The following HDAC9 variants were observed in gnomAD, a reference collection of about 807,000 sequenced individuals.
The protein encoded by HDAC9 is histone deacetylase 9.
A neutral mutation model predicts 139.4 loss-of-function variants in HDAC9; 41 were observed. That is an observed-to-expected ratio of 0.29 (90% CI 0.23 to 0.38). The LOEUF (loss-of-function observed/expected upper bound fraction) is 0.38, where lower values mean the gene tolerates loss of function less well. Among genes scored for constraint, HDAC9 ranks in the 10% least tolerant of loss-of-function variants. The probability of loss-of-function intolerance (pLI) is 1.00; values close to 1 mark genes in which losing one functional copy is unlikely to be tolerated. For missense variants in HDAC9, 1,147 were observed against 1,297.0 expected (o/e 0.88, Z 1.78); for synonymous variants, 517 against 476.2 (o/e 1.09, Z -1.12).
In HDAC9 at chr7:18,998,390, C is replaced by T. The variant is rs1038178295; in HGVS notation, c.*2328C>T. 1 of 152,172 alleles carries T rather than the reference C, an allele frequency of 6.6e-6. No homozygotes were observed. Among genetic ancestry groups the T allele is most frequent in the Non-Finnish European group, 1.5e-5 (1 of 68,024 alleles). The allele number at this position is 152,172 out of a possible 1,614,324, so 9.4% of individuals were successfully genotyped here. ...ATGGTTATTTAGATTTAAAACTTGA[C>T]ACATTAATGAGTTAATCACACATAC... On this transcript the variant is annotated 3_prime_UTR_variant, in exon 26 of 26. Transcript: ENST00000686413.
chr7:18,380,339 G>T (rs1585492307), intron 1 of HDAC9, among the ~76,000 whole-genome samples: 1 of 152,116 alleles, frequency 6.6e-6, no homozygotes, highest in South Asian at 2.1e-4. Flanking sequence ...AAACATCCAT[G>T]GTGAAAACAC....
chr7:18,350,788 A>G (rs1481827922), intron 1 of HDAC9, among the ~76,000 whole-genome samples: 1 of 152,188 alleles, frequency 6.6e-6, no homozygotes, highest in African/African-American at 2.4e-5. Flanking sequence ...AGCTTATGTC[A>G]TAGCTGTGCA....
chr7:18,140,283 T>C (rs750667784), intron 1 of HDAC9, among the ~76,000 whole-genome samples: 1 of 152,166 alleles, frequency 6.6e-6, no homozygotes, highest in African/African-American at 2.4e-5. Context: ...AACAGGGATA[T>C]GGCCTCCATC....
upstream of HDAC9, among the ~76,000 whole-genome samples, chr7:18,494,300 G>A (rs1384818679): frequency 5.9e-5 from 9 of 151,906 alleles, no homozygotes; most frequent in Non-Finnish European, 8.8e-5. Flanking sequence ...ATGATTTAAC[G>A]TGCTTATTTC....
intron 2 of HDAC9, among the ~76,000 whole-genome samples, chr7:18,195,709 G>A (rs1363852669): frequency 1.3e-5 from 2 of 152,064 alleles, no homozygotes; most frequent in African/African-American, 4.8e-5. Flanking sequence ...AGACATTTTT[G>A]CTTCTGGAGT....
At chr7:18,969,639 A>C (rs1420137509) in intron 24 of HDAC9, among the ~76,000 whole-genome samples, 1 of 152,176 alleles carries the variant, frequency 6.6e-6, no homozygotes, top group Admixed American at 6.5e-5. Context: ...TGAAGAGATA[A>C]ATTAAAAAGA....
chr7:18,923,333 C>G (rs767500449), intron 22 of HDAC9, among the ~76,000 whole-genome samples: 24 of 152,104 alleles, frequency 1.6e-4, no homozygotes, highest in Non-Finnish European at 2.8e-4. Flanking sequence ...GACTCCCAGT[C>G]TAATGCATCT....
At chr7:18,404,938 C>T (rs1787870182) in intron 1 of HDAC9, among the ~76,000 whole-genome samples, 1 of 152,198 alleles carries the variant, frequency 6.6e-6, no homozygotes, top group African/African-American at 2.4e-5. Context: ...AGGGAACCAG[C>T]CCTGGGCAGG....
At chr7:18,825,526 C>T (rs1159915832) in intron 17 of HDAC9, among the ~76,000 whole-genome samples, 1 of 151,908 alleles carries the variant, frequency 6.6e-6, no homozygotes, top group African/African-American at 2.4e-5. Flanking sequence ...TTTGTAAGAG[C>T]TTCTTTAGTG....
At chr7:18,406,508 C>T (rs746024417) in intron 1 of HDAC9, among the ~76,000 whole-genome samples, 2 of 152,226 alleles carry the variant, frequency 1.3e-5, no homozygotes, top group South Asian at 2.1e-4. Flanking sequence ...ATTTTCCTGC[C>T]TCAGCCTCCC....
intron 11 of HDAC9, among the ~76,000 whole-genome samples, chr7:18,649,088 C>T (rs1432732246): frequency 6.6e-6 from 1 of 152,154 alleles, no homozygotes; most frequent in Non-Finnish European, 1.5e-5. Flanking sequence ...CAGTAAGGCA[C>T]TTCTCAGCAA....
chr7:18,412,855 A>G (rs1227706182), intron 1 of HDAC9, among the ~76,000 whole-genome samples: 1 of 152,214 alleles, frequency 6.6e-6, no homozygotes, highest in African/African-American at 2.4e-5. Flanking sequence ...AATTAAAACA[A>G]TAGTGTAATG....
intron 1 of HDAC9, among the ~76,000 whole-genome samples, chr7:18,349,621 C>T (rs931125655): frequency 6.6e-6 from 1 of 151,470 alleles, no homozygotes; most frequent in African/African-American, 2.4e-5. Flanking sequence ...ATAATTTTCA[C>T]AGCATTAGAA....
chr7:18,946,891 A>T (rs1782443145), intron 23 of HDAC9, among the ~76,000 whole-genome samples: 1 of 152,062 alleles, frequency 6.6e-6, no homozygotes, highest in Non-Finnish European at 1.5e-5. Context: ...TAACATTTTT[A>T]AAAATAGACC....
intron 12 of HDAC9, among the ~76,000 whole-genome samples, chr7:18,704,552 C>T (rs1053564579): frequency 6.6e-6 from 1 of 152,180 alleles, no homozygotes; most frequent in Non-Finnish European, 1.5e-5. Flanking sequence ...TGGACATTCT[C>T]AAATGGCATT....
Position 18,728,054 on chromosome 7 carries a change from C to G in HDAC9, c.1909+297C>G, listed in dbSNP as rs76416884. On this transcript the variant is annotated intron_variant, in intron 13 of 25. Transcript: ENST00000686413. ...TGCAACATTCTTTAGCAGTGTTCCT[C>G]AATCTCTACTCTTACCTTCTGCCCA... 7.8e-3 allele frequency among the ~76,000 whole-genome samples: 1,187 copies of G among 152,292 alleles called. 24 individuals carry two copies. The highest frequency in any genetic ancestry group is 0.028 in the African/African-American group (1,145 of 41,556).
rs551995912 is a variant in HDAC9, at chr7:18,714,695, G to A, written c.1732-12885G>A. 5.9e-5 allele frequency among the ~76,000 whole-genome samples: 9 copies of A among 152,202 alleles called. No homozygotes were observed. The East Asian group carries it at 1.5e-3, about 26-fold the overall frequency. ...CTCTTGGCTCAGAGGAGCTTTTCTTGGTTGCTTCTAATTTAGGACCCTGTA... is the reference window on the plus strand; with the variant it reads ...CTCTTGGCTCAGAGGAGCTTTTCTTAGTTGCTTCTAATTTAGGACCCTGTA... On this transcript the variant is annotated intron_variant, in intron 12 of 25. Coordinates refer to ENST00000686413, the MANE Select transcript of HDAC9 (RefSeq NM_178425.4).
intron 1 of HDAC9, among the ~76,000 whole-genome samples, chr7:18,351,293 A>G (rs1229415852): frequency 6.6e-6 from 1 of 152,100 alleles, no homozygotes; most frequent in East Asian, 1.9e-4. Flanking sequence ...TTGCTTCAAT[A>G]TTTTTCCCCT....
chr7:18,741,860 G>T (rs1787493158), intron 13 of HDAC9, among the ~76,000 whole-genome samples: 1 of 152,076 alleles, frequency 6.6e-6, no homozygotes, highest in African/African-American at 2.4e-5. Context: ...ACTTCGAGGG[G>T]GTCAATACTT....
Sources: allele counts gnomAD v4.1 joint callset (sites outside exome capture counted in the v4.1 genomes callset), GRCh38; gene constraint gnomAD v4.1.1; transcripts MANE v1.5; gene names NCBI Gene and HGNC (gene_info 2026-07-23, HGNC 2026-07-21).